FREM2: variants seen among roughly 807,000 people sequenced by gnomAD.
The protein encoded by FREM2 is FRAS1 related extracellular matrix 2.
FREM2 carries 119 observed loss-of-function variants against 219.9 expected under a neutral mutation model. The observed-to-expected ratio is 0.54, with a 90% CI of 0.47 to 0.63. The LOEUF (loss-of-function observed/expected upper bound fraction) is 0.63. Among genes scored for constraint, FREM2 ranks in the 30% least tolerant of loss-of-function variants. The pLI, the probability that FREM2 is intolerant of heterozygous loss-of-function variation, is 0.00. For synonymous variants in FREM2, 1,562 were observed against 1,522.8 expected (o/e 1.03, Z -0.60); for missense variants, 4,030 against 3,993.6 (o/e 1.01, Z -0.25).
At chr13:38,859,177 T>A (rs1167537849) in intron 13 of FREM2, 110 bp from the exon 14 acceptor site, 2 of 1,015,550 alleles carry the variant, frequency 2.0e-6, no homozygotes, top group Non-Finnish European at 3.1e-6. Flanking sequence ...ATAAACAGCA[T>A]GTGGAAATTG....
At chr13:38,699,931 T>C (rs1308188939) in intron 2 of FREM2, among the ~76,000 whole-genome samples, 1 of 152,104 alleles carries the variant, frequency 6.6e-6, no homozygotes, top group Non-Finnish European at 1.5e-5. Flanking sequence ...GGCATATCTA[T>C]AAGTCATCCC....
At chr13:38,809,347 A>G (rs560861030) in intron 6 of FREM2, among the ~76,000 whole-genome samples, 22 of 150,636 alleles carry the variant, frequency 1.5e-4, no homozygotes, top group South Asian at 2.1e-4. Context: ...AGGTGTATAT[A>G]TTTTTGTTTT....
chr13:38,745,744 G>C lies in FREM2; in HGVS notation c.5264-18560G>C, dbSNP rs987685339. On this transcript the variant is annotated intron_variant, in intron 2 of 23. Coordinates refer to ENST00000280481, the MANE Select transcript of FREM2 (RefSeq NM_207361.6). ...CTGTGAGCTTTCTGGTTTTAATCTC[G>C]CTTCTGCTTTCTGATTTTCAATCCG... 2.6e-5 allele frequency among the ~76,000 whole-genome samples: 4 copies of C among 152,194 alleles called. No homozygotes were observed. In the East Asian group the frequency reaches 5.8e-4, roughly 22 times the overall value.
At chr13:38,830,891 C>T (rs146786757) in intron 6 of FREM2, among the ~76,000 whole-genome samples, 343 of 152,242 alleles carry the variant, frequency 2.3e-3, no homozygotes, top group Non-Finnish European at 3.8e-3. Context: ...TGAAGGGTGA[C>T]GACTGATTCT....
chr13:38,798,257 T>C (rs943265044), intron 6 of FREM2, among the ~76,000 whole-genome samples: 1 of 152,190 alleles, frequency 6.6e-6, no homozygotes, highest in African/African-American at 2.4e-5. Flanking sequence ...TTTCATTCTG[T>C]TGATGTGATG....
chr13:38,746,735 A>C (rs756796850), intron 2 of FREM2, among the ~76,000 whole-genome samples: 2 of 152,226 alleles, frequency 1.3e-5, no homozygotes, highest in Non-Finnish European at 2.9e-5. Context: ...TTTATCATTT[A>C]AGTCAGGAGG....
Position 38,697,785 on chromosome 13 carries a change from G to C in FREM2, c.5261G>C (p.Gly1754Ala). 1 of 1,580,226 alleles carries C rather than the reference G, an allele frequency of 6.3e-7. No individual in the cohort carries two copies. The highest frequency in any genetic ancestry group is 8.7e-7 in the Non-Finnish European group (1 of 1,149,144). Residue 1754 changes from glycine to alanine, a missense_variant and splice_region_variant, in exon 2 of 24, where the codon GGT (glycine) becomes GCT (alanine). Transcript: ENST00000280481. ...ATGTTCTATTTTGCAGTTGAAGATG[G>C]TGGTAAGTATTCCCCTCTCCTGGTA... ...SDMFYFAVED[G>A]GGNKLTYQNF...
At chr13:38,846,544 A>G (rs1263251306) in intron 6 of FREM2, 29 bp from the exon 7 acceptor site, 1 of 1,610,840 alleles carries the variant, frequency 6.2e-7, no homozygotes, top group Non-Finnish European at 8.5e-7. Context: ...TAAAAATAAC[A>G]GAAATGATTT....
chr13:38,776,426 A>G lies in FREM2; in HGVS notation c.5641+6618A>G, dbSNP rs1460292103. 2.0e-5 allele frequency among the ~76,000 whole-genome samples: 3 copies of G among 152,152 alleles called. No individual in the cohort carries two copies. The South Asian group carries it at 6.2e-4, about 32-fold the overall frequency. On this transcript the variant is annotated intron_variant, in intron 4 of 23. Coordinates refer to ENST00000280481, the MANE Select transcript of FREM2 (RefSeq NM_207361.6). The stretch of plus-strand genomic sequence containing the variant: ...TTATCCTCTGTGGAATATAATTGAG[A>G]GAAGGTATAAAATGTACATTCTCTT...
At chr13:38,717,762 G>T (rs1356520552) in intron 2 of FREM2, among the ~76,000 whole-genome samples, 1 of 152,070 alleles carries the variant, frequency 6.6e-6, no homozygotes, top group Non-Finnish European at 1.5e-5. Context: ...AAGAGATTTG[G>T]CTAGTTATTA....
At chr13:38,708,645 C>T (rs1207812472) in intron 2 of FREM2, among the ~76,000 whole-genome samples, 1 of 152,094 alleles carries the variant, frequency 6.6e-6, no homozygotes, top group Non-Finnish European at 1.5e-5. Context: ...CAGAATGAGA[C>T]TCTGTCTCAA....
chr13:38,771,139 C>T (rs1330284504), intron 4 of FREM2, among the ~76,000 whole-genome samples: 1 of 152,178 alleles, frequency 6.6e-6, no homozygotes, highest in African/African-American at 2.4e-5. Context: ...GGAGCTCTGA[C>T]ATCATTTGTT....
At chr13:38,772,701 CTT>C (rs58721583) in intron 4 of FREM2, among the ~76,000 whole-genome samples, 7,360 of 145,840 alleles carry the variant, frequency 0.05, 314 homozygotes, top group East Asian at 0.15. Context: ...TTCTCTCTCT[CTT>C]TTTTTTTTTT....
rs564829851 is a variant in FREM2 at position 38,851,990 on chromosome 13, G to A, written c.6925+122G>A. 98 of 873,204 alleles carry A rather than the reference G, an allele frequency of 1.1e-4. No individual in the cohort carries two copies. In the South Asian group the frequency reaches 1.4e-3, roughly 12 times the overall value. 54.1% of individuals were successfully genotyped at this position (873,204 alleles called of 1,614,324 possible). ...AATCAAAATAGGGCACTCTTTTTTA[G>A]GGGGTATAATTTTAAGGGGTACAAG... On this transcript the variant is annotated intron_variant, in intron 11 of 23. Coordinates refer to ENST00000280481, the MANE Select transcript of FREM2 (RefSeq NM_207361.6).
intron 9 of FREM2, 143 bp from the exon 10 acceptor site, chr13:38,850,801 C>A (rs1403085879): frequency 1.9e-5 from 16 of 860,408 alleles, no homozygotes; most frequent in Non-Finnish European, 3.1e-5. Flanking sequence ...CAAATATCTG[C>A]TGAAGGCTTA....
intron 17 of FREM2, 142 bp from the exon 18 acceptor site, chr13:38,874,340 G>A (rs995668282): frequency 5.7e-6 from 4 of 700,722 alleles, no homozygotes; most frequent in African/African-American, 3.5e-5. Flanking sequence ...TTCTGCCTCT[G>A]TTATTCAGAA....
chr13:38,836,286 A>G (rs1876702659), intron 6 of FREM2, among the ~76,000 whole-genome samples: 1 of 151,916 alleles, frequency 6.6e-6, no homozygotes, highest in Non-Finnish European at 1.5e-5. Context: ...ATCCCAGGGA[A>G]GAGGCCGACT....
At chr13:38,768,282 T>C (rs1340729202) in intron 3 of FREM2, among the ~76,000 whole-genome samples, 1 of 152,118 alleles carries the variant, frequency 6.6e-6, no homozygotes, top group Admixed American at 6.6e-5. Context: ...TATTTATGCA[T>C]TTATGTATTT....
intron 20 of FREM2, 105 bp from the exon 21 acceptor site, chr13:38,877,012 G>A (rs1878363062): frequency 2.3e-6 from 3 of 1,305,862 alleles, no homozygotes; most frequent in South Asian, 2.4e-5. Flanking sequence ...GCGATGCAGT[G>A]TTTAGTGTTC....
Sources: allele counts gnomAD v4.1 joint callset (sites outside exome capture counted in the v4.1 genomes callset), GRCh38; gene constraint gnomAD v4.1.1; transcripts MANE v1.5; gene names NCBI Gene and HGNC (gene_info 2026-07-23, HGNC 2026-07-21).